SLC26A9: variants seen among roughly 807,000 people sequenced by gnomAD.
SLC26A9 encodes the protein anion transporter/exchanger protein 9.
In SLC26A9, 46 loss-of-function variants were observed where a neutral mutation model predicts 87.1. The ratio of observed to expected loss-of-function variants is 0.53; its 90% CI spans 0.42 to 0.67. The LOEUF (loss-of-function observed/expected upper bound fraction) is 0.67. SLC26A9 is among the 30% of genes least tolerant of loss of function. The pLI, the probability that SLC26A9 is intolerant of heterozygous loss-of-function variation, is 0.00. For synonymous variants in SLC26A9, 437 were observed against 409.1 expected, an observed-to-expected ratio of 1.07 and a Z score of -0.82; for missense variants, 927 against 1,018.3, an observed-to-expected ratio of 0.91 and a Z score of 1.22.
intron 17 of SLC26A9, among the ~76,000 whole-genome samples, chr1:205,921,193 C>T (rs6674855): frequency 0.9 from 136,875 of 152,232 alleles, 61,515 homozygotes; most frequent in Admixed American, 0.92. Context: ...CTAGGGTGGC[C>T]GGTGAATGAG....
Position 205,932,817 on chromosome 1 carries a change from A to G in SLC26A9, c.266-5T>C, listed in dbSNP as rs201412223. 1.9e-6 allele frequency: 3 copies of G among 1,593,202 alleles called. No homozygotes were observed. Among genetic ancestry groups the G allele is most frequent in the East Asian group, 2.2e-5 (1 of 44,724 alleles). On this transcript the variant is annotated splice_region_variant and splice_polypyrimidine_tract_variant and intron_variant, in intron 3 of 20. Transcript: ENST00000367135. ...CCAGCAGAGCAAATGCCATGCCTGC[A>G]GAGGACAACGAGACTGAAGCTCAGC... is the stretch of plus-strand genomic sequence containing the variant.
In SLC26A9 at chr1:205,931,976, A is replaced by T. The variant is rs1447547348; in HGVS notation, c.436T>A (p.Ser146Thr). 1 of 1,614,060 alleles carries T rather than the reference A, an allele frequency of 6.2e-7. No individual in the cohort carries two copies. The highest frequency in any genetic ancestry group is 1.1e-5 in the South Asian group (1 of 91,066). Residue 146 changes from serine (S) to threonine (T), a missense_variant, in exon 5 of 21, where the codon TCG (serine) becomes ACG (threonine). By Grantham distance (58) the Ser-to-Thr change is moderately conservative (BLOSUM62 1). Transcript: ENST00000367135. Reference protein sequence around the residue: ...GNICLQLAPESKFQVFNNATN... With the variant: ...GNICLQLAPETKFQVFNNATN... ...GCATTGTTGAAGACCTGGAATTTCG[A>T]CTCTGGGGCCAGCTGCAGACAGATG...
At chr1:205,940,068 T>G (rs1659674781) in intron 1 of SLC26A9, among the ~76,000 whole-genome samples, 1 of 151,392 alleles carries the variant, frequency 6.6e-6, no homozygotes. Context: ...TGGAGGGACT[T>G]AGAGGGGGTC....
At position 205,913,407 on chromosome 1, in the gene SLC26A9, C is replaced by G. The variant is rs1237191751; in HGVS notation, c.*1950G>C. 6.6e-6 allele frequency: 1 copy of G among 152,660 alleles called. No homozygotes were observed. The allele number at this position is 152,660 out of a possible 1,614,324, so 9.5% of individuals were successfully genotyped here. On this transcript the variant is annotated 3_prime_UTR_variant, in exon 21 of 21. Transcript: ENST00000367135. ...CAGATCTCTCCCTGAGCCTCAACTC[C>G]AGGTCACTGGGTCAACAATCTCCTT... is the stretch of plus-strand genomic sequence containing the variant.
intron 12 of SLC26A9, 121 bp downstream of exon 12, chr1:205,926,414 C>T (rs1659069862): frequency 2.4e-6 from 2 of 825,556 alleles, no homozygotes; most frequent in Non-Finnish European, 4.1e-6. Flanking sequence ...AACCACTCAT[C>T]TCATGCTAAT....
At chr1:205,937,770 G>A (rs534537799) in intron 1 of SLC26A9, among the ~76,000 whole-genome samples, 1 of 152,044 alleles carries the variant, frequency 6.6e-6, no homozygotes, top group Non-Finnish European at 1.5e-5. Context: ...GTTTGCCTGC[G>A]GGGGCTCAAT....
chr1:205,923,345 A>G lies in SLC26A9; in HGVS notation c.1649T>C (p.Val550Ala), dbSNP rs1658924024. ...FANSEIFRQK[V>A]IAKTGMDPQK... Reference sequence around the variant, plus strand: ...GGGACTGAGCCTTACCTTGGCGATGACCTTTTGCCTGAAGATCTCTGAGTT... The same window carrying G: ...GGGACTGAGCCTTACCTTGGCGATGGCCTTTTGCCTGAAGATCTCTGAGTT... The change falls in exon 15 of 21, where the codon GTC (valine) becomes GCC (alanine). Residue 550 changes from valine to alanine, a missense_variant. Transcript: ENST00000367135. 6.2e-7 allele frequency: 1 copy of G among 1,614,074 alleles called. No homozygotes were observed. The highest frequency in any genetic ancestry group is 8.5e-7 in the Non-Finnish European group (1 of 1,180,004).
In SLC26A9 at chr1:205,921,688, C is replaced by T. The variant is rs1658838524; in HGVS notation, c.1933G>A (p.Ala645Thr). 6.3e-7 allele frequency: 1 copy of T among 1,595,498 alleles called. No individual in the cohort carries two copies. Among genetic ancestry groups the T allele is most frequent in the African/African-American group, 1.3e-5 (1 of 74,418 alleles). ...AQSEPPASAE[A>T]PGEPSDMLAS... The stretch of plus-strand genomic sequence containing the variant: ...AGCATGTCACTGGGCTCGCCGGGGG[C>T]CTCAGCGGAGGCTGGTGGCTCACTC... The change falls in exon 17 of 21, where the codon GCC (alanine) becomes ACC (threonine). Residue 645 changes from alanine (A) to threonine (T), a missense_variant. Physicochemically the swap from Ala to Thr is moderately conservative, Grantham distance 58. Coordinates refer to ENST00000367135, the MANE Select transcript of SLC26A9 (RefSeq NM_052934.4).
chr1:205,929,855 C>A (rs774056387), intron 6 of SLC26A9, 37 bp downstream of exon 6: 5 of 1,559,400 alleles, frequency 3.2e-6, no homozygotes, highest in Non-Finnish European at 4.4e-6. Flanking sequence ...TCTGCTGGAG[C>A]CTTGCTCCAA....
In SLC26A9 at chr1:205,926,522, G is replaced by C; in HGVS notation, c.1389+13C>G. On this transcript the variant is annotated intron_variant, in intron 12 of 20. Coordinates refer to ENST00000367135, the MANE Select transcript of SLC26A9 (RefSeq NM_052934.4). ...GGGGCATGGCCAGTACCCAGAGGCT[G>C]CCCGATACTTACACAGTCCAGCTTG... 6.2e-7 allele frequency: 1 copy of C among 1,611,414 alleles called. No individual in the cohort carries two copies. Among genetic ancestry groups the C allele is most frequent in the Middle Eastern group, 1.7e-4 (1 of 6,054 alleles).
chr1:205,942,689 G>A (rs1306987852), intron 1 of SLC26A9, among the ~76,000 whole-genome samples: 1 of 152,176 alleles, frequency 6.6e-6, no homozygotes, highest in Non-Finnish European at 1.5e-5. Flanking sequence ...GCCCTTCTGT[G>A]TTGAAGCATT....
intron 14 of SLC26A9, 26 bp downstream of exon 14, chr1:205,923,518 G>A (rs879039621): frequency 6.2e-7 from 1 of 1,614,090 alleles, no homozygotes; most frequent in South Asian, 1.1e-5. Context: ...AGCAAAAGAA[G>A]GAGGTCATAA....
chr1:205,935,681 C>G lies in SLC26A9; in HGVS notation c.125+15G>C. 2 of 1,613,834 alleles carry G rather than the reference C, an allele frequency of 1.2e-6. No homozygotes were observed. The highest frequency in any genetic ancestry group is 1.7e-6 in the Non-Finnish European group (2 of 1,179,824). Reference sequence around the variant, plus strand: ...GGAGCAGAGGAGGCAGAAGTCTGGGCTCTGGACCAGTTACCTGAAGGCATT... The same window carrying G: ...GGAGCAGAGGAGGCAGAAGTCTGGGGTCTGGACCAGTTACCTGAAGGCATT... On this transcript the variant is annotated intron_variant, in intron 2 of 20. Coordinates refer to ENST00000367135, the MANE Select transcript of SLC26A9 (RefSeq NM_052934.4).
At chr1:205,938,986 T>G (rs1659630315) in intron 1 of SLC26A9, among the ~76,000 whole-genome samples, 1 of 152,198 alleles carries the variant, frequency 6.6e-6, no homozygotes, top group African/African-American at 2.4e-5. Flanking sequence ...GGGAGTCCCC[T>G]CTGACACAGG....
At chr1:205,925,258 C>T (rs1262595047) in intron 12 of SLC26A9, among the ~76,000 whole-genome samples, 1 of 152,190 alleles carries the variant, frequency 6.6e-6, no homozygotes, top group East Asian at 1.9e-4. Context: ...CAGCGAGCTG[C>T]GTGGGCCCTG....
At chr1:205,935,166 A>G (rs1659459059) in intron 2 of SLC26A9, 1 of 152,366 alleles carries the variant, frequency 6.6e-6, no homozygotes, top group African/African-American at 2.4e-5. Context: ...GAGAGTGGAA[A>G]GACCCTGGGC....
intron 9 of SLC26A9, 76 bp from the exon 10 acceptor site, chr1:205,927,681 G>A (rs959511040): frequency 6.9e-6 from 10 of 1,456,144 alleles, no homozygotes; most frequent in Non-Finnish European, 8.5e-6. Context: ...AGGCATGCAA[G>A]CTGGACTGTG....
intron 1 of SLC26A9, among the ~76,000 whole-genome samples, chr1:205,941,618 G>T (rs555810269): frequency 6.6e-6 from 1 of 152,134 alleles, no homozygotes; most frequent in Non-Finnish European, 1.5e-5. Context: ...ACTGCATCCC[G>T]TGTAGGAGAG....
At chr1:205,927,452 T>A in intron 10 of SLC26A9, 40 bp downstream of exon 10, 2 of 1,598,908 alleles carry the variant, frequency 1.3e-6, no homozygotes, top group Non-Finnish European at 1.7e-6. Context: ...GCAACTGTTC[T>A]CTTACCACCT....
Sources: gnomAD v4.1 joint callset for allele counts (sites outside exome capture counted in the v4.1 genomes callset) on GRCh38, gnomAD v4.1.1 for gene constraint, MANE v1.5 for transcripts, NCBI Gene and HGNC (gene_info 2026-07-23, HGNC 2026-07-21) for gene names.